GPM6B: variants seen among roughly 807,000 people sequenced by gnomAD.
GPM6B encodes the protein glycoprotein M6B.
In GPM6B, 4 loss-of-function variants were observed where a neutral mutation model predicts 27.2. The ratio of observed to expected loss-of-function variants is 0.15; its 90% CI spans 0.07 to 0.34. The LOEUF is 0.34. Ranked by LOEUF, GPM6B falls within the 10% of genes least tolerant of loss-of-function variation. GPM6B has a pLI of 1.00. For synonymous variants in GPM6B, 124 were observed against 103.1 expected (o/e 1.20, Z -1.23); for missense variants, 183 against 261.9 (o/e 0.70, Z 2.08).
intron 1 of GPM6B, among the ~76,000 whole-genome samples, chrX:13,852,807 T>C (rs2049734510): frequency 1.0e-5 from 1 of 100,236 alleles, no homozygotes; most frequent in African/African-American, 3.7e-5. Flanking sequence ...TGGGTTTCAC[T>C]CTGTCACCCA....
At chrX:13,900,457 G>C in intron 1 of GPM6B, among the ~76,000 whole-genome samples, 1 of 111,110 alleles carries the variant, frequency 9.0e-6, no homozygotes, top group South Asian at 3.9e-4. Context: ...CATAACACCA[G>C]GTATGGACAG....
At chrX:13,889,287 C>G (rs1367383847) in intron 1 of GPM6B, among the ~76,000 whole-genome samples, 1 of 111,814 alleles carries the variant, frequency 8.9e-6, no homozygotes, top group East Asian at 2.8e-4. Context: ...ATACTAAATA[C>G]AAATGTGTGG....
At chrX:13,779,503 CTT>C (rs1035731121) in intron 5 of GPM6B, among the ~76,000 whole-genome samples, 1 of 111,688 alleles carries the variant, frequency 9.0e-6, no homozygotes, top group African/African-American at 3.3e-5. Flanking sequence ...AAAATACAAT[CTT>C]TTTGTAGCGG....
intron 2 of GPM6B, among the ~76,000 whole-genome samples, chrX:13,789,858 T>C (rs2048681326): frequency 9.0e-6 from 1 of 110,694 alleles, no homozygotes; most frequent in Non-Finnish European, 1.9e-5. Flanking sequence ...TTTTGTTTTG[T>C]TTTTTGAAAC....
intron 1 of GPM6B, among the ~76,000 whole-genome samples, chrX:13,855,060 C>G (rs2049765135): frequency 9.1e-6 from 1 of 110,060 alleles, no homozygotes; most frequent in Admixed American, 9.7e-5. Context: ...GCTCTGTCAC[C>G]CAGGCTGGAG....
intron 1 of GPM6B, among the ~76,000 whole-genome samples, chrX:13,884,246 T>G (rs1046930473): frequency 3.5e-5 from 4 of 112,948 alleles, no homozygotes; most frequent in African/African-American, 9.6e-5. Flanking sequence ...TTCAATAGGC[T>G]GCTAACCTTA....
upstream of GPM6B, among the ~76,000 whole-genome samples, chrX:13,822,277 C>G (rs1341399477): frequency 8.9e-6 from 1 of 112,259 alleles, no homozygotes; most frequent in Non-Finnish European, 1.9e-5. Context: ...TTCTTTTTCT[C>G]TTCAAGCCCC....
intron 1 of GPM6B, among the ~76,000 whole-genome samples, chrX:13,929,232 C>G (rs974980948): frequency 9.0e-6 from 1 of 111,560 alleles, no homozygotes; most frequent in Non-Finnish European, 1.9e-5. Context: ...AAAGGATCTT[C>G]ACAGATTCAG....
At chrX:13,900,436 G>A (rs2050272290) in intron 1 of GPM6B, among the ~76,000 whole-genome samples, 2 of 111,193 alleles carry the variant, frequency 1.8e-5, no homozygotes, top group Admixed American at 1.9e-4. Flanking sequence ...ACCCGAAATT[G>A]GAGGGACAGT....
At chrX:13,852,773 CTTTTT>C (rs386416656) in intron 1 of GPM6B, among the ~76,000 whole-genome samples, 27 of 89,007 alleles carry the variant, frequency 3.0e-4, no homozygotes, top group South Asian at 3.0e-3. Flanking sequence ...ACAACAAAAA[CTTTTT>C]TTTTTTTTTT....
intron 1 of GPM6B, among the ~76,000 whole-genome samples, chrX:13,857,386 G>A (rs2049793423): frequency 8.9e-6 from 1 of 111,989 alleles, no homozygotes; most frequent in Non-Finnish European, 1.9e-5. Context: ...TCCATATAAA[G>A]AAGCCAAAAG....
At chrX:13,872,624 A>G (rs1453848863) in intron 1 of GPM6B, among the ~76,000 whole-genome samples, 1 of 110,161 alleles carries the variant, frequency 9.1e-6, no homozygotes. Flanking sequence ...CAAAGACAGT[A>G]GCACACAGAG....
At chrX:13,809,523 C>T (rs1260157596) in intron 1 of GPM6B, among the ~76,000 whole-genome samples, 2 of 111,535 alleles carry the variant, frequency 1.8e-5, no homozygotes, top group Non-Finnish European at 3.8e-5. Context: ...CACCTGTAAT[C>T]CCAGCACTTT....
At chrX:13,888,351 G>A (rs777463681) in intron 1 of GPM6B, among the ~76,000 whole-genome samples, 6 of 111,243 alleles carry the variant, frequency 5.4e-5, no homozygotes, top group Non-Finnish European at 7.5e-5. Context: ...CAAAGCCTCC[G>A]AGGATATAGA....
At chrX:13,781,121 G>C (rs2048508241) in intron 4 of GPM6B, 2 of 189,151 alleles carry the variant, frequency 1.1e-5, no homozygotes, top group Non-Finnish European at 2.0e-5. Flanking sequence ...TGAGCAGGAG[G>C]GAGCTGGTGG....
At chrX:13,892,872 A>G (rs67967426) in intron 1 of GPM6B, among the ~76,000 whole-genome samples, 23,124 of 111,032 alleles carry the variant, frequency 0.21, 1,981 homozygotes, top group South Asian at 0.35. Context: ...GCAAGATCCC[A>G]TGTCTCTACA....
intron 1 of GPM6B, among the ~76,000 whole-genome samples, chrX:13,829,321 C>G (rs1376927844): frequency 9.0e-6 from 1 of 111,538 alleles, no homozygotes; most frequent in African/African-American, 3.3e-5. Context: ...TCATTGTCTA[C>G]CAAAAGGACT....
chrX:13,809,395 G>A (rs747872295), intron 1 of GPM6B, among the ~76,000 whole-genome samples: 18 of 112,048 alleles, frequency 1.6e-4, no homozygotes, highest in Non-Finnish European at 2.8e-4. Context: ...GTGCTTCTGT[G>A]TCTCCTAAAG....
upstream of GPM6B, among the ~76,000 whole-genome samples, chrX:13,820,036 G>A (rs149835376): frequency 0.014 from 1,530 of 111,990 alleles, 25 homozygotes; most frequent in African/African-American, 0.047. Context: ...AGATGGCTGA[G>A]CCAGTAGGTT....
Sources: gnomAD v4.1 joint callset for allele counts (sites outside exome capture counted in the v4.1 genomes callset) on GRCh38, gnomAD v4.1.1 for gene constraint, MANE v1.5 for transcripts, NCBI Gene and HGNC (gene_info 2026-07-23, HGNC 2026-07-21) for gene names.